Variants in DENND1A observed in about 807,000 individuals in gnomAD.
The protein encoded by DENND1A is DENN domain containing 1A, also known as DENN domain-containing protein 1A.
Under a neutral mutation model 113.7 loss-of-function variants are expected in DENND1A, and 51 were observed. That is an observed-to-expected ratio of 0.45 (90% CI 0.36 to 0.57). The LOEUF is 0.57. DENND1A is among the 20% of genes least tolerant of loss of function. The pLI, the probability that DENND1A is intolerant of heterozygous loss-of-function variation, is 0.00. For synonymous variants in DENND1A, 565 were observed against 570.8 expected (o/e 0.99, Z 0.14); for missense variants, 1,258 against 1,395.9 (o/e 0.90, Z 1.57).
intron 12 of DENND1A, among the ~76,000 whole-genome samples, chr9:123,567,161 G>C (rs1246231583): frequency 6.6e-6 from 1 of 152,118 alleles, no homozygotes; most frequent in Non-Finnish European, 1.5e-5. Context: ...CCATACTTCT[G>C]GCAGTTCAGG....
At chr9:123,660,794 T>G (rs1293169256) in intron 8 of DENND1A, among the ~76,000 whole-genome samples, 3 of 152,222 alleles carry the variant, frequency 2.0e-5, no homozygotes, top group Non-Finnish European at 4.4e-5. Flanking sequence ...GAATTAGTAA[T>G]GGAACAAAGA....
intron 5 of DENND1A, among the ~76,000 whole-genome samples, chr9:123,720,425 G>T (rs2067257060): frequency 6.6e-6 from 1 of 152,150 alleles, no homozygotes; most frequent in Admixed American, 6.5e-5. Flanking sequence ...AAGAAAGATT[G>T]GTCCGAGACC....
At chr9:123,620,805 C>A (rs2060922670) in intron 10 of DENND1A, among the ~76,000 whole-genome samples, 1 of 149,340 alleles carries the variant, frequency 6.7e-6, no homozygotes, top group African/African-American at 2.5e-5. Flanking sequence ...TGAGCTCTGT[C>A]ACAGTGGCAC....
chr9:123,816,166 A>G (rs182888959), intron 2 of DENND1A, among the ~76,000 whole-genome samples: 1 of 152,058 alleles, frequency 6.6e-6, no homozygotes, highest in Admixed American at 6.5e-5. Flanking sequence ...ACACCCAACT[A>G]ATTTTTGTAT....
intron 11 of DENND1A, among the ~76,000 whole-genome samples, chr9:123,608,255 C>T (rs1390548645): frequency 6.6e-6 from 1 of 152,168 alleles, no homozygotes; most frequent in African/African-American, 2.4e-5. Context: ...GTCAAACAAA[C>T]AGGTTTTTCG....
intron 8 of DENND1A, among the ~76,000 whole-genome samples, chr9:123,658,946 T>C (rs1268751778): frequency 6.6e-6 from 1 of 152,234 alleles, no homozygotes; most frequent in Non-Finnish European, 1.5e-5. Flanking sequence ...GCTCAGATCA[T>C]ACCCACTGAA....
chr9:123,867,123 CT>C (rs1460535205), intron 2 of DENND1A, among the ~76,000 whole-genome samples: 5 of 152,222 alleles, frequency 3.3e-5, no homozygotes, highest in African/African-American at 7.2e-5. Flanking sequence ...GTAAAGCTTT[CT>C]TTTTCTAAAG....
intron 9 of DENND1A, among the ~76,000 whole-genome samples, chr9:123,634,812 A>G (rs1190742054): frequency 3.3e-5 from 5 of 152,240 alleles, no homozygotes; most frequent in African/African-American, 1.2e-4. Flanking sequence ...AAGCAGCTGA[A>G]TAGCCTAAGA....
chr9:123,928,916 GC>G, intron 1 of DENND1A: 1 of 984,992 alleles, frequency 1.0e-6, no homozygotes, highest in Non-Finnish European at 1.2e-6. Context: ...TGTCAACTTT[GC>G]TTTTTAATGC....
At chr9:123,800,430 T>TTA (rs758791899) in intron 2 of DENND1A, among the ~76,000 whole-genome samples, 4 of 152,202 alleles carry the variant, frequency 2.6e-5, no homozygotes, top group Non-Finnish European at 5.9e-5. Flanking sequence ...AGCTCTCTAT[T>TTA]TAATAAATAA....
intron 21 of DENND1A, among the ~76,000 whole-genome samples, chr9:123,392,972 G>T (rs1168242744): frequency 6.6e-6 from 1 of 152,122 alleles, no homozygotes; most frequent in African/African-American, 2.4e-5. Context: ...TCCCATCCAG[G>T]TTGCTGTGGA....
rs1440670025 is a variant in DENND1A, at chr9:123,644,362, G to T, written c.618+7651C>A. Among the ~76,000 whole-genome samples the T allele has an allele frequency of 2.3e-5, 3 of 128,896 alleles. No homozygotes were observed. The East Asian group carries it at 6.6e-4, about 29-fold the overall frequency. The allele number at this position is 128,896 out of a possible 152,430, so 84.6% of individuals were successfully genotyped here. On this transcript the variant is annotated intron_variant, in intron 9 of 23. Coordinates refer to ENST00000394215, the MANE Select transcript of DENND1A (RefSeq NM_001352964.2). ...TCTGTGAATGCTCTTTAGTGGTCTT[G>T]GAGCTTTACAAGCTACAAAAAAAAA...
chr9:123,807,810 C>A (rs113183825), intron 2 of DENND1A, among the ~76,000 whole-genome samples: 1,623 of 152,348 alleles, frequency 0.011, 19 homozygotes, highest in Non-Finnish European at 0.016. Context: ...CTTCACAACT[C>A]TGTAACTCTA....
At chr9:123,382,679 T>G in intron 23 of DENND1A, 54 bp from the exon 24 acceptor site, 1 of 1,570,462 alleles carries the variant, frequency 6.4e-7, no homozygotes, top group Non-Finnish European at 8.7e-7. Flanking sequence ...GGGACATATG[T>G]GTGCCCATTC....
At chr9:123,776,325 T>G (rs776227058) in intron 3 of DENND1A, among the ~76,000 whole-genome samples, 6 of 152,212 alleles carry the variant, frequency 3.9e-5, no homozygotes, top group Non-Finnish European at 8.8e-5. Flanking sequence ...CTGGTAGAGT[T>G]ACAGTTTCCA....
At chr9:123,567,876 T>C (rs1363709766) in intron 12 of DENND1A, among the ~76,000 whole-genome samples, 1 of 152,176 alleles carries the variant, frequency 6.6e-6, no homozygotes, top group Non-Finnish European at 1.5e-5. Context: ...ATTTTAACCA[T>C]CAGTTCACAG....
intron 5 of DENND1A, among the ~76,000 whole-genome samples, chr9:123,691,990 TG>T (rs1311880177): frequency 1.3e-5 from 2 of 152,174 alleles, no homozygotes; most frequent in Non-Finnish European, 2.9e-5. Context: ...TCAGAAGCAG[TG>T]TCCATTGTGA....
At chr9:123,736,806 A>AT (rs1475106535) in intron 5 of DENND1A, among the ~76,000 whole-genome samples, 2 of 152,134 alleles carry the variant, frequency 1.3e-5, no homozygotes, top group Non-Finnish European at 2.9e-5. Flanking sequence ...GACAACCCTC[A>AT]TTTTTCAGAT....
chr9:123,817,659 G>A (rs1837716439), intron 2 of DENND1A, among the ~76,000 whole-genome samples: 1 of 152,084 alleles, frequency 6.6e-6, no homozygotes, highest in Non-Finnish European at 1.5e-5. Context: ...AATATGATTA[G>A]GTATTACATT....
Sources: gnomAD v4.1 joint callset for allele counts (sites outside exome capture counted in the v4.1 genomes callset) on GRCh38, gnomAD v4.1.1 for gene constraint, MANE v1.5 for transcripts, NCBI Gene and HGNC (gene_info 2026-07-23, HGNC 2026-07-21) for gene names.